Variants in UCK2 observed in about 807,000 individuals in gnomAD.
The protein encoded by UCK2 is cytidine monophosphokinase 2.
In UCK2, 6 loss-of-function variants were observed where a neutral mutation model predicts 30.8. That is an observed-to-expected ratio of 0.19 (90% CI 0.11 to 0.38). The LOEUF is 0.38. UCK2 is among the 10% of genes least tolerant of loss of function. The pLI, the probability that UCK2 is intolerant of heterozygous loss-of-function variation, is 1.00. For synonymous variants in UCK2, 125 were observed against 133.6 expected (o/e 0.94, Z 0.45); for missense variants, 210 against 339.8 (o/e 0.62, Z 3.00).
At chr1:165,905,540 A>G (rs1647627105) in intron 5 of UCK2, among the ~76,000 whole-genome samples, 1 of 152,172 alleles carries the variant, frequency 6.6e-6, no homozygotes, top group African/African-American at 2.4e-5. Context: ...CTTGTAATGT[A>G]GATAAAGTGG....
chr1:165,899,599 C>T (rs1647386204), intron 4 of UCK2, among the ~76,000 whole-genome samples: 1 of 152,194 alleles, frequency 6.6e-6, no homozygotes, highest in Non-Finnish European at 1.5e-5. Flanking sequence ...CGTGGAAGCC[C>T]AGCAGGGAAT....
chr1:165,873,263 T>C (rs1461421629), intron 1 of UCK2, among the ~76,000 whole-genome samples: 1 of 152,216 alleles, frequency 6.6e-6, no homozygotes, highest in Non-Finnish European at 1.5e-5. Context: ...GAAGTCAGTA[T>C]GCAATTGATT....
In UCK2 at chr1:165,910,385, A is replaced by C. The variant is rs6426943; in HGVS notation, c.*2562A>C. 43,747 of 152,190 alleles carry C rather than the reference A, an allele frequency of 0.29. 6,630 individuals are homozygous for C. The highest frequency in any genetic ancestry group is 0.47 in the South Asian group (2,256 of 4,812). The allele number at this position is 152,190 out of a possible 1,614,324, so 9.4% of individuals were successfully genotyped here. On this transcript the variant is annotated 3_prime_UTR_variant, in exon 7 of 7. Transcript: ENST00000367879. ...ACTCTGCTGTTCAGGGTGGAGGCAC[A>C]GATGAGCAGAGTGGGGTGATGTTGG...
At chr1:165,861,486 G>A (rs564690219) in intron 1 of UCK2, among the ~76,000 whole-genome samples, 1 of 150,662 alleles carries the variant, frequency 6.6e-6, no homozygotes, top group Non-Finnish European at 1.5e-5. Context: ...AAATTAGCCG[G>A]GCGTAGTGGC....
chr1:165,870,303 G>GT (rs1655164964), intron 1 of UCK2, among the ~76,000 whole-genome samples: 1 of 150,584 alleles, frequency 6.6e-6, no homozygotes, highest in South Asian at 2.1e-4. Flanking sequence ...GCTCACAGGA[G>GT]TTTTTGAGCC....
chr1:165,846,631 G>T (rs1016921042), intron 1 of UCK2, among the ~76,000 whole-genome samples: 2 of 152,138 alleles, frequency 1.3e-5, no homozygotes, highest in African/African-American at 4.8e-5. Flanking sequence ...TTAGTTAAGT[G>T]TGCATTTCAC....
Position 165,903,217 on chromosome 1 carries a change from G to C in UCK2, c.535G>C (p.Glu179Gln). ...RDISERGRDL[E>Q]QILSQYITFV... ...CATCAGCGAGAGAGGCAGGGATCTT[G>C]AGCAGATTTTATCTCAGTACATTAC... Residue 179 changes from glutamate (E) to glutamine (Q), a missense_variant, in exon 5 of 7, where the codon GAG (glutamate) becomes CAG (glutamine). Physicochemically the swap from Glu to Gln is conservative, Grantham distance 29 (BLOSUM62 2). Coordinates refer to ENST00000367879, the MANE Select transcript of UCK2 (RefSeq NM_012474.5). 6.2e-7 allele frequency: 1 copy of C among 1,614,118 alleles called. No homozygotes were observed. Among genetic ancestry groups the C allele is most frequent in the Non-Finnish European group, 8.5e-7 (1 of 1,180,006 alleles).
At chr1:165,842,074 T>A (rs1321146630) in intron 1 of UCK2, among the ~76,000 whole-genome samples, 1 of 152,202 alleles carries the variant, frequency 6.6e-6, no homozygotes, top group Non-Finnish European at 1.5e-5. Flanking sequence ...AGCTGTAGAT[T>A]CTTTACCTTG....
chr1:165,877,564 C>G (rs1268843133), intron 1 of UCK2, among the ~76,000 whole-genome samples: 2 of 152,174 alleles, frequency 1.3e-5, no homozygotes, highest in African/African-American at 4.8e-5. Flanking sequence ...GCACAATTCT[C>G]TGGAGATTCG....
intron 1 of UCK2, among the ~76,000 whole-genome samples, chr1:165,889,606 G>A (rs1655711449): frequency 6.6e-6 from 1 of 151,154 alleles, no homozygotes; most frequent in Admixed American, 6.6e-5. Flanking sequence ...AGTAAGCTGT[G>A]TTAAGGGAAG....
chr1:165,896,342 A>G lies in UCK2; in HGVS notation c.499+10A>G, dbSNP rs777240127. 10 of 1,613,692 alleles carry G rather than the reference A, an allele frequency of 6.2e-6. No homozygotes were observed. The highest frequency in any genetic ancestry group is 3.3e-5 in the Admixed American group (2 of 60,022). ...CGGCTCTCACGCAGAGGTGCGTTCT[A>G]AAAGCCTCAGGTGGCCCTGTTGGTG... On this transcript the variant is annotated intron_variant, in intron 4 of 6. Coordinates refer to ENST00000367879, the MANE Select transcript of UCK2 (RefSeq NM_012474.5).
chr1:165,840,459 T>C (rs1464712167), intron 1 of UCK2, among the ~76,000 whole-genome samples: 1 of 152,224 alleles, frequency 6.6e-6, no homozygotes, highest in Non-Finnish European at 1.5e-5. Flanking sequence ...ATAGTCAGCA[T>C]GTGGTGCAAT....
chr1:165,870,523 G>A (rs1313411122), intron 1 of UCK2, among the ~76,000 whole-genome samples: 2 of 151,830 alleles, frequency 1.3e-5, no homozygotes, highest in Non-Finnish European at 2.9e-5. Context: ...AGATACTTCT[G>A]CTCACAGGAG....
intron 1 of UCK2, among the ~76,000 whole-genome samples, chr1:165,865,698 G>A (rs1030952714): frequency 6.6e-6 from 1 of 152,152 alleles, no homozygotes; most frequent in African/African-American, 2.4e-5. Context: ...TGAGGAGACA[G>A]TAAAGGAGGT....
intron 1 of UCK2, among the ~76,000 whole-genome samples, chr1:165,888,026 G>A (rs767954287): frequency 5.3e-5 from 8 of 152,178 alleles, no homozygotes; most frequent in Non-Finnish European, 7.3e-5. Context: ...TCCTTACTTA[G>A]TCGTGTGTCA....
At chr1:165,900,288 A>G (rs1647411465) in intron 4 of UCK2, 1 of 152,228 alleles carries the variant, frequency 6.6e-6, no homozygotes, top group Non-Finnish European at 1.5e-5. Context: ...CTTATTGAAC[A>G]TGTGCTAAGG....
intron 1 of UCK2, among the ~76,000 whole-genome samples, chr1:165,841,430 CCCA>C (rs2101852327): frequency 6.6e-6 from 1 of 152,196 alleles, no homozygotes; most frequent in Admixed American, 6.5e-5. Context: ...GTGATCCACC[CCCA>C]ATCAGCCTCC....
chr1:165,831,123 A>T (rs1273865341), intron 1 of UCK2, among the ~76,000 whole-genome samples: 6 of 151,604 alleles, frequency 4.0e-5, no homozygotes, highest in Non-Finnish European at 8.8e-5. Flanking sequence ...AAACCAAAAA[A>T]GGTTATGGCT....
At chr1:165,880,780 T>A (rs2101876232) in intron 1 of UCK2, among the ~76,000 whole-genome samples, 1 of 152,226 alleles carries the variant, frequency 6.6e-6, no homozygotes, top group South Asian at 2.1e-4. Context: ...TAGCCCTGTT[T>A]TGTCTTTGCT....
Sources: allele counts gnomAD v4.1 joint callset (sites outside exome capture counted in the v4.1 genomes callset), GRCh38; gene constraint gnomAD v4.1.1; transcripts MANE v1.5; gene names NCBI Gene and HGNC (gene_info 2026-07-23, HGNC 2026-07-21).